The following KMT2E variants were observed in gnomAD, a reference collection of about 807,000 sequenced individuals.
KMT2E encodes histone reader KMT2E.
Under a neutral mutation model 184.6 loss-of-function variants are expected in KMT2E, and 30 were observed. The observed-to-expected ratio is 0.16, with a 90% CI of 0.12 to 0.22. KMT2E has a LOEUF of 0.22. Among genes scored for constraint, KMT2E ranks in the 10% least tolerant of loss-of-function variants. The pLI is 1.00. For synonymous variants in KMT2E, 815 were observed against 776.5 expected (o/e 1.05, Z -0.82); for missense variants, 2,023 against 2,237.4 (o/e 0.90, Z 1.93).
intron 22 of KMT2E, 145 bp downstream of exon 22, chr7:105,108,070 T>A: frequency 1.8e-6 from 1 of 570,798 alleles, no homozygotes; most frequent in Non-Finnish European, 2.7e-6. Context: ...AAACCTTTTG[T>A]AAATGCTGGC....
intron 1 of KMT2E, among the ~76,000 whole-genome samples, chr7:105,020,099 C>T (rs1412808460): frequency 1.4e-5 from 2 of 140,582 alleles, no homozygotes; most frequent in Non-Finnish European, 3.1e-5. Flanking sequence ...TAGAGTGAGA[C>T]TCTGTCTCAA....
At chr7:105,072,217 C>A (rs1055549774) in intron 6 of KMT2E, among the ~76,000 whole-genome samples, 2 of 152,076 alleles carry the variant, frequency 1.3e-5, no homozygotes, top group Admixed American at 6.5e-5. Flanking sequence ...ACTTGGGAGG[C>A]TTAGGCGGCA....
intron 3 of KMT2E, among the ~76,000 whole-genome samples, chr7:105,052,785 C>T (rs1050273115): frequency 2.0e-5 from 3 of 150,996 alleles, no homozygotes; most frequent in Admixed American, 6.6e-5. Context: ...TCACTATGTT[C>T]GCCAGACTGG....
chr7:105,106,439 T>C, intron 19 of KMT2E, 83 bp from the exon 20 acceptor site: 2 of 1,308,158 alleles, frequency 1.5e-6, no homozygotes, highest in South Asian at 2.5e-5. Context: ...TGTTTATATT[T>C]TATCTTTCCC....
At chr7:105,095,720 T>C (rs1178203655) in intron 15 of KMT2E, among the ~76,000 whole-genome samples, 1 of 152,120 alleles carries the variant, frequency 6.6e-6, no homozygotes, top group African/African-American at 2.4e-5. Flanking sequence ...TATTGTACGT[T>C]AGGAAAATCT....
At chr7:105,103,451 T>C (rs1257843702) in intron 17 of KMT2E, 1 of 152,256 alleles carries the variant, frequency 6.6e-6, no homozygotes, top group East Asian at 1.9e-4. Context: ...GCTTTATGTA[T>C]GTTATTGAAC....
Position 105,107,309 on chromosome 7 carries a change from A to C in KMT2E, c.2905-53A>C, listed in dbSNP as rs1485223446. 6.6e-6 allele frequency: 10 copies of C among 1,520,426 alleles called. No homozygotes were observed. The East Asian group carries it at 2.3e-4, about 35-fold the overall frequency. The allele number at this position is 1,520,426 out of a possible 1,614,324, so 94.2% of individuals were successfully genotyped here. A position where few individuals can be genotyped will look rare whatever the true frequency, so the allele number is the denominator to read the frequency against. On this transcript the variant is annotated intron_variant, in intron 21 of 26. Coordinates refer to ENST00000311117, the MANE Select transcript of KMT2E (RefSeq NM_182931.3). The stretch of plus-strand genomic sequence containing the variant: ...AAATTACTGGTAAATTTTGAAATAA[A>C]CAGTCCCAAGATGTGATTATTTGTG...
chr7:105,056,088 A>G (rs566939405), intron 3 of KMT2E, among the ~76,000 whole-genome samples: 13 of 152,066 alleles, frequency 8.5e-5, no homozygotes, highest in Non-Finnish European at 1.5e-4. Flanking sequence ...AGCCCTCAAT[A>G]TTTGTTTAAT....
intron 9 of KMT2E, 108 bp downstream of exon 9, chr7:105,076,189 C>A: frequency 1.3e-6 from 1 of 765,644 alleles, no homozygotes; most frequent in Non-Finnish European, 2.2e-6. Flanking sequence ...TGTGTCATGT[C>A]TTTGCCTATT....
intron 3 of KMT2E, among the ~76,000 whole-genome samples, chr7:105,042,917 C>A (rs1795944036): frequency 6.6e-6 from 1 of 152,118 alleles, no homozygotes; most frequent in African/African-American, 2.4e-5. Flanking sequence ...ATAACATACA[C>A]TGGCTATGGT....
chr7:105,073,323 GA>G (rs1366372289), intron 6 of KMT2E, among the ~76,000 whole-genome samples: 1 of 151,330 alleles, frequency 6.6e-6, no homozygotes, highest in Non-Finnish European at 1.5e-5. Context: ...CTTGAACCTG[GA>G]AGGTTGAGGC....
chr7:105,055,217 G>GTTTTTTTTTT (rs1374514810), intron 3 of KMT2E, among the ~76,000 whole-genome samples: 1 of 130,994 alleles, frequency 7.6e-6, no homozygotes, highest in East Asian at 2.2e-4. Context: ...TTCTTTTTAG[G>GTTTTTTTTTT]TTTTTTTTTT....
intron 3 of KMT2E, among the ~76,000 whole-genome samples, chr7:105,053,843 C>T (rs928671704): frequency 2.0e-5 from 3 of 152,116 alleles, no homozygotes; most frequent in Non-Finnish European, 2.9e-5. Flanking sequence ...CCACTGCACT[C>T]CAGCTTGGGT....
intron 15 of KMT2E, among the ~76,000 whole-genome samples, chr7:105,097,741 C>G (rs1045645910): frequency 3.9e-5 from 6 of 152,198 alleles, no homozygotes; most frequent in African/African-American, 1.4e-4. Context: ...TCAGCTTTAA[C>G]TGCCTTCTAA....
At chr7:105,067,369 A>G (rs1432954953) in intron 6 of KMT2E, among the ~76,000 whole-genome samples, 3 of 152,098 alleles carry the variant, frequency 2.0e-5, no homozygotes, top group Admixed American at 6.5e-5. Flanking sequence ...TAGTAGATCT[A>G]TCATTCTTCT....
At chr7:105,050,217 G>A (rs1297138784) in intron 3 of KMT2E, among the ~76,000 whole-genome samples, 1 of 152,152 alleles carries the variant, frequency 6.6e-6, no homozygotes, top group Admixed American at 6.5e-5. Flanking sequence ...CTAATTGGTA[G>A]TCTTCTATAA....
At chr7:105,032,592 CCTG>C (rs1398541769) in intron 1 of KMT2E, among the ~76,000 whole-genome samples, 2 of 152,320 alleles carry the variant, frequency 1.3e-5, no homozygotes, top group Non-Finnish European at 2.9e-5. Context: ...ACCTCAGACT[CCTG>C]GGCTCAAGTG....
chr7:105,090,012 G>A lies in KMT2E; in HGVS notation c.1362G>A (p.Lys454=). ...ATTTAACTGGTTATCTTTCCAGTAAGTACAAGGTGGACTGTGCATGCCTCA... is the reference window on the plus strand; with the variant it reads ...ATTTAACTGGTTATCTTTCCAGTAAATACAAGGTGGACTGTGCATGCCTCA... ...IAFDFDYGNC[K]YKVDCACLKE... is the part of the protein sequence containing the mutation. The change falls in exon 14 of 27, where the codon AAG becomes AAA. Residue 454 remains lysine, a synonymous_variant. Coordinates refer to ENST00000311117, the MANE Select transcript of KMT2E (RefSeq NM_182931.3). 1 of 1,607,584 alleles carries A rather than the reference G, an allele frequency of 6.2e-7. No individual in the cohort carries two copies. Among genetic ancestry groups the A allele is most frequent in the Non-Finnish European group, 8.5e-7 (1 of 1,177,192 alleles).
chr7:105,103,860 C>T (rs1221481841), intron 17 of KMT2E: 1 of 135,456 alleles, frequency 7.4e-6, no homozygotes, highest in Non-Finnish European at 1.5e-5. Flanking sequence ...TGGAGTTTCG[C>T]TCTGTTGCCC....
Sources: gnomAD v4.1 joint callset for allele counts (sites outside exome capture counted in the v4.1 genomes callset) on GRCh38, gnomAD v4.1.1 for gene constraint, MANE v1.5 for transcripts, NCBI Gene and HGNC (gene_info 2026-07-23, HGNC 2026-07-21) for gene names.